FAM24A: variants seen among roughly 807,000 people sequenced by gnomAD.
FAM24A encodes family with sequence similarity 24 member A.
A neutral mutation model predicts 2.8 loss-of-function variants in FAM24A; 2 were observed. The ratio of observed to expected loss-of-function variants is 0.73; its 90% CI spans 0.30 to 2.28. FAM24A has a LOEUF of 2.28. Among genes scored for constraint, FAM24A ranks in the 30% most tolerant of loss-of-function variants. The pLI, the probability that FAM24A is intolerant of heterozygous loss-of-function variation, is 0.12. For synonymous variants in FAM24A, 46 were observed against 47.5 expected (o/e 0.97, Z 0.13); for missense variants, 109 against 132.0 (o/e 0.83, Z 0.85).
At position 122,912,960 on chromosome 10, in the gene FAM24A, GA is replaced by G; in HGVS notation, c.*9del. 6.3e-7 allele frequency: 1 copy of G among 1,584,298 alleles called. No homozygotes were observed. The highest frequency in any genetic ancestry group is 8.6e-7 in the Non-Finnish European group (1 of 1,168,882). ...ACATAAATGAGGGCCTCTGACTTGG[GA>G]AAGCTGGGCACAAAAATCTTCATGA... On this transcript the variant is annotated 3_prime_UTR_variant, in exon 3 of 3. Coordinates refer to ENST00000368894, the MANE Select transcript of FAM24A (RefSeq NM_001029888.3).
chr10:122,912,182 G>A (rs909848785), intron 2 of FAM24A, among the ~76,000 whole-genome samples: 1 of 152,192 alleles, frequency 6.6e-6, no homozygotes, highest in Non-Finnish European at 1.5e-5. Context: ...GTGCTCATGC[G>A]GAGGATGGGC....
chr10:122,913,083 T>C lies in FAM24A; in HGVS notation c.*129T>C. ...AATGTACAGTGTTATTTTCTGTACT[T>C]CTGAATAAATGTGCAATATTGGAAA... On this transcript the variant is annotated 3_prime_UTR_variant, in exon 3 of 3. Coordinates refer to ENST00000368894, the MANE Select transcript of FAM24A (RefSeq NM_001029888.3). 1.3e-6 allele frequency: 1 copy of C among 762,118 alleles called. No homozygotes were observed. The highest frequency in any genetic ancestry group is 3.2e-5 in the East Asian group (1 of 31,484). The allele number at this position is 762,118 out of a possible 1,614,324, so 47.2% of individuals were successfully genotyped here. A position where few individuals can be genotyped will look rare whatever the true frequency, so the allele number is the denominator to read the frequency against.
At position 122,912,801 on chromosome 10, in the gene FAM24A, C is replaced by T. The variant is rs1446285991; in HGVS notation, c.165C>T (p.His55=). 66 of 1,613,604 alleles carry T rather than the reference C, an allele frequency of 4.1e-5. No individual in the cohort carries two copies. The highest frequency in any genetic ancestry group is 5.6e-5 in the Non-Finnish European group (66 of 1,179,920). Reference sequence around the variant, plus strand: ...CTGATGCTGTGGCTGTAAAAAATCACAACCCAGACAAGGTGTGTTGGGCCA... The same window carrying T: ...CTGATGCTGTGGCTGTAAAAAATCATAACCCAGACAAGGTGTGTTGGGCCA... The part of the protein sequence containing the change: ...KDPDAVAVKN[H]NPDKVCWATN... The change falls in exon 3 of 3, where the codon CAC becomes CAT. Residue 55 remains histidine, a synonymous_variant. Coordinates refer to ENST00000368894, the MANE Select transcript of FAM24A (RefSeq NM_001029888.3).
rs1244504448 is a variant in FAM24A at position 122,912,799 on chromosome 10, C to G, written c.163C>G (p.His55Asp). The change falls in exon 3 of 3, where the codon CAC (histidine) becomes GAC (aspartate). Residue 55 changes from histidine (H) to aspartate (D), a missense_variant. Physicochemically the swap from His to Asp is moderately conservative, Grantham distance 81. Transcript: ENST00000368894. ...KDPDAVAVKN[H>D]NPDKVCWATN... ...CCCTGATGCTGTGGCTGTAAAAAAT[C>G]ACAACCCAGACAAGGTGTGTTGGGC... The G allele has an allele frequency of 6.2e-7, 1 of 1,613,700 alleles. No individual in the cohort carries two copies. The highest frequency in any genetic ancestry group is 1.1e-5 in the South Asian group (1 of 90,946).
intron 1 of FAM24A, among the ~76,000 whole-genome samples, chr10:122,911,067 C>A (rs1848313848): frequency 6.6e-6 from 1 of 152,106 alleles, no homozygotes; most frequent in South Asian, 2.1e-4. Flanking sequence ...TGAGCCCTGG[C>A]AAAGGTTTGG....
intron 1 of FAM24A, 28 bp downstream of exon 1, chr10:122,910,847 T>C (rs2133857694): frequency 6.6e-6 from 1 of 152,380 alleles, no homozygotes; most frequent in East Asian, 1.9e-4. Context: ...TCAGATTGGT[T>C]ATTCTTCTCT....
intron 1 of FAM24A, among the ~76,000 whole-genome samples, 165 bp downstream of exon 1, chr10:122,910,984 T>C (rs1848313048): frequency 6.6e-6 from 1 of 152,158 alleles, no homozygotes; most frequent in Non-Finnish European, 1.5e-5. Context: ...TATGGTCTAC[T>C]AGGAAGACAG....
chr10:122,911,501 T>C, intron 1 of FAM24A, 132 bp from the exon 2 acceptor site: 1 of 1,362,662 alleles, frequency 7.3e-7, no homozygotes, highest in Non-Finnish European at 1.0e-6. Context: ...CTTAGGATCC[T>C]AGGACTCTCT....
Position 122,912,797 on chromosome 10 carries a change from A to G in FAM24A, c.161A>G (p.Asn54Ser), listed in dbSNP as rs774657084. Residue 54 changes from asparagine to serine, a missense_variant, in exon 3 of 3, where the codon AAT becomes AGT. Coordinates refer to ENST00000368894, the MANE Select transcript of FAM24A (RefSeq NM_001029888.3). ...GACCCTGATGCTGTGGCTGTAAAAA[A>G]TCACAACCCAGACAAGGTGTGTTGG... is the stretch of plus-strand genomic sequence containing the variant. ...AKDPDAVAVK[N>S]HNPDKVCWAT... is the part of the protein sequence containing the mutation. 1 of 1,613,726 alleles carries G rather than the reference A, an allele frequency of 6.2e-7. No individual in the cohort carries two copies. The highest frequency in any genetic ancestry group is 8.5e-7 in the Non-Finnish European group (1 of 1,179,914).
chr10:122,912,893 G>C lies in FAM24A; in HGVS notation c.257G>C (p.Arg86Thr). The C allele has an allele frequency of 1.2e-6, 2 of 1,614,142 alleles. No homozygotes were observed. Among genetic ancestry groups the C allele is most frequent in the Non-Finnish European group, 1.7e-6 (2 of 1,180,024 alleles). ...CPSLQCCEGCRMHASSDSLPP... is the reference protein window; with the variant it reads ...CPSLQCCEGCTMHASSDSLPP... ...TCTCTCCAGTGCTGTGAAGGTTGTAGAATGCATGCCAGTTCTGATTCCCTG... is the reference window on the plus strand; with the variant it reads ...TCTCTCCAGTGCTGTGAAGGTTGTACAATGCATGCCAGTTCTGATTCCCTG... Residue 86 changes from arginine (R) to threonine (T), a missense_variant, in exon 3 of 3, where the codon AGA becomes ACA. Physicochemically the swap from Arg to Thr is moderately conservative, Grantham distance 71 (BLOSUM62 -1). Coordinates refer to ENST00000368894, the MANE Select transcript of FAM24A (RefSeq NM_001029888.3).
rs1328272737 is a variant in FAM24A at position 122,912,776 on chromosome 10, C to T, written c.140C>T (p.Pro47Leu). 6.2e-7 allele frequency: 1 copy of T among 1,612,872 alleles called. No homozygotes were observed. Among genetic ancestry groups the T allele is most frequent in the Admixed American group, 1.7e-5 (1 of 59,682 alleles). Residue 47 changes from proline (P) to leucine (L), a missense_variant, in exon 3 of 3, where the codon CCT (proline) becomes CTT (leucine). Transcript: ENST00000368894. ...CTTTTCTTAAGAGCTGCAAAGGACC[C>T]TGATGCTGTGGCTGTAAAAAATCAC... ...VAKALKAAKD[P>L]DAVAVKNHNP...
At position 122,912,813 on chromosome 10, in the gene FAM24A, G is replaced by A. The variant is rs767664848; in HGVS notation, c.177G>A (p.Lys59=). ...AVAVKNHNPD[K]VCWATNSQAK... Reference sequence around the variant, plus strand: ...CTGTAAAAAATCACAACCCAGACAAGGTGTGTTGGGCCACGAACAGCCAGG... The same window carrying A: ...CTGTAAAAAATCACAACCCAGACAAAGTGTGTTGGGCCACGAACAGCCAGG... The change falls in exon 3 of 3, where the codon AAG becomes AAA. Residue 59 remains lysine (K), a synonymous_variant. Coordinates refer to ENST00000368894, the MANE Select transcript of FAM24A (RefSeq NM_001029888.3). 6.2e-7 allele frequency: 1 copy of A among 1,614,116 alleles called. No homozygotes were observed. Among genetic ancestry groups the A allele is most frequent in the Admixed American group, 1.7e-5 (1 of 60,014 alleles).
intron 2 of FAM24A, 48 bp downstream of exon 2, chr10:122,911,807 C>A: frequency 6.2e-7 from 1 of 1,609,138 alleles, no homozygotes; most frequent in Non-Finnish European, 8.5e-7. Context: ...AATGGGATAC[C>A]TGGACTCCCT....
intron 2 of FAM24A, among the ~76,000 whole-genome samples, chr10:122,912,464 A>G (rs1589688860): frequency 3.9e-5 from 6 of 152,084 alleles, no homozygotes; most frequent in African/African-American, 1.4e-4. Flanking sequence ...AGCCTGGGGC[A>G]CAGCTGAATG....
intron 1 of FAM24A, among the ~76,000 whole-genome samples, chr10:122,911,153 A>C (rs1848314461): frequency 6.6e-6 from 1 of 152,232 alleles, no homozygotes. Context: ...TGTTTTTCCC[A>C]AAATACTTAT....
chr10:122,910,670 A>G lies in FAM24A; in HGVS notation c.-152A>G, dbSNP rs1848308752. 6.6e-6 allele frequency: 1 copy of G among 152,140 alleles called. No homozygotes were observed. The highest frequency in any genetic ancestry group is 1.5e-5 in the Non-Finnish European group (1 of 68,032). The allele number at this position is 152,140 out of a possible 1,614,324, so 9.4% of individuals were successfully genotyped here. ...AGTGAGCTGAGCTGTTCAACCTTGG[A>G]TCTTAATTACTCCTAGCAGGGATAA... On this transcript the variant is annotated 5_prime_UTR_variant, in exon 1 of 3. Coordinates refer to ENST00000368894, the MANE Select transcript of FAM24A (RefSeq NM_001029888.3).
At chr10:122,911,351 G>A (rs1848316190) in intron 1 of FAM24A, among the ~76,000 whole-genome samples, 1 of 152,104 alleles carries the variant, frequency 6.6e-6, no homozygotes, top group African/African-American at 2.4e-5. Flanking sequence ...CAGGCCTGTG[G>A]TCATTTCCAG....
At position 122,912,936 on chromosome 10, in the gene FAM24A, C is replaced by T. The variant is rs1336177363; in HGVS notation, c.300C>T (p.Asp100=). ...ATTCCCTGCCACCTTGCTGTTGTGA[C>T]ATAAATGAGGGCCTCTGACTTGGGA... is the stretch of plus-strand genomic sequence containing the variant. ...SSDSLPPCCC[D]INEGL is the part of the protein sequence containing the mutation. Residue 100 remains aspartate (D), a synonymous_variant, in exon 3 of 3, where the codon GAC becomes GAT. Transcript: ENST00000368894. 1.9e-6 allele frequency: 3 copies of T among 1,607,598 alleles called. No individual in the cohort carries two copies. Among genetic ancestry groups the T allele is most frequent in the East Asian group, 4.5e-5 (2 of 44,846 alleles).
Position 122,912,840 on chromosome 10 carries a change from C to A in FAM24A, c.204C>A (p.Ala68=). Residue 68 remains alanine, a synonymous_variant, in exon 3 of 3, where the codon GCC becomes GCA. Transcript: ENST00000368894. ...DKVCWATNSQ[A]KATTMESCPS... ...TGTGTTGGGCCACGAACAGCCAGGCCAAAGCCACCACCATGGAGTCTTGTC... is the reference window on the plus strand; with the variant it reads ...TGTGTTGGGCCACGAACAGCCAGGCAAAAGCCACCACCATGGAGTCTTGTC... 10 of 1,614,142 alleles carry A rather than the reference C, an allele frequency of 6.2e-6. No homozygotes were observed. Among genetic ancestry groups the A allele is most frequent in the Non-Finnish European group, 8.5e-6 (10 of 1,180,028 alleles).
Sources: gnomAD v4.1 joint callset for allele counts (sites outside exome capture counted in the v4.1 genomes callset) on GRCh38, gnomAD v4.1.1 for gene constraint, MANE v1.5 for transcripts, NCBI Gene and HGNC (gene_info 2026-07-23, HGNC 2026-07-21) for gene names.